ABI3BP: variants seen among roughly 807,000 people sequenced by gnomAD.
ABI3BP encodes the protein ABI family member 3 binding protein.
Under a neutral mutation model 268.6 loss-of-function variants are expected in ABI3BP, and 216 were observed. That is an observed-to-expected ratio of 0.80 (90% CI 0.72 to 0.90). The LOEUF is 0.90. Ranked by LOEUF, ABI3BP falls within the 40% of genes least tolerant of loss-of-function variation. ABI3BP has a pLI of 0.00. For missense variants in ABI3BP, 2,090 were observed against 2,182.4 expected (o/e 0.96, Z 0.84); for synonymous variants, 730 against 730.0 (o/e 1.00, Z 0.00).
At position 100,864,862 on chromosome 3, in the gene ABI3BP, C is replaced by T; in HGVS notation, c.1034G>A (p.Ser345Asn). The change falls in exon 11 of 68, where the codon AGT becomes AAT. Residue 345 changes from serine (S) to asparagine (N), a missense_variant. Coordinates refer to ENST00000471714, the MANE Select transcript of ABI3BP (RefSeq NM_001375547.2). Reference protein sequence around the residue: ...VPRSTKPTTSSALDVSETTLV... With the variant: ...VPRSTKPTTSNALDVSETTLV... ...TGTTGTTTCTGAAACATCTAATGCA[C>T]TAGACGTAGTGGGTTTAGTGCTTCT... 1.2e-6 allele frequency: 2 copies of T among 1,608,028 alleles called. No individual in the cohort carries two copies. The highest frequency in any genetic ancestry group is 3.7e-4 in the Middle Eastern group (2 of 5,460).
intron 2 of ABI3BP, among the ~76,000 whole-genome samples, chr3:100,921,165 A>G (rs552856412): frequency 6.6e-6 from 1 of 152,294 alleles, no homozygotes; most frequent in East Asian, 1.9e-4. Context: ...GAATTAAAAC[A>G]TTTGCACCCC....
intron 1 of ABI3BP, among the ~76,000 whole-genome samples, chr3:100,991,623 A>G (rs1442953623): frequency 6.6e-6 from 1 of 152,220 alleles, no homozygotes; most frequent in African/African-American, 2.4e-5. Context: ...GGTCCTCAAT[A>G]GCTTTCCAAT....
At chr3:100,987,967 TTGG>T (rs1343839663) in intron 1 of ABI3BP, among the ~76,000 whole-genome samples, 4 of 152,252 alleles carry the variant, frequency 2.6e-5, no homozygotes, top group Admixed American at 2.0e-4. Context: ...AATTTCTTGC[TTGG>T]TGGTTTTTAA....
chr3:100,813,550 A>G (rs2097916891), intron 45 of ABI3BP, 111 bp downstream of exon 45: 2 of 769,924 alleles, frequency 2.6e-6, no homozygotes, highest in Non-Finnish European at 4.1e-6. Flanking sequence ...ATTTACAGTT[A>G]TTAATGTATA....
chr3:100,776,992 T>G (rs1406461868), intron 59 of ABI3BP, among the ~76,000 whole-genome samples: 3 of 152,030 alleles, frequency 2.0e-5, no homozygotes, highest in Non-Finnish European at 4.4e-5. Flanking sequence ...CAGGTTACAG[T>G]AAATGGGGAA....
chr3:100,964,685 A>C (rs2080591983), intron 1 of ABI3BP, among the ~76,000 whole-genome samples: 2 of 152,196 alleles, frequency 1.3e-5, no homozygotes, highest in South Asian at 4.1e-4. Flanking sequence ...AGTATTTCTA[A>C]TGCATGGGTC....
intron 1 of ABI3BP, among the ~76,000 whole-genome samples, chr3:100,966,434 C>G (rs938506399): frequency 6.6e-6 from 1 of 152,174 alleles, no homozygotes; most frequent in Admixed American, 6.5e-5. Context: ...GTAAAAACAG[C>G]AGAGTTGAGT....
At chr3:100,806,449 A>T (rs1040670103) in intron 50 of ABI3BP, among the ~76,000 whole-genome samples, 4 of 152,066 alleles carry the variant, frequency 2.6e-5, no homozygotes, top group Non-Finnish European at 5.9e-5. Context: ...ATGTGTACAT[A>T]TACACACCTC....
At chr3:100,974,729 G>A (rs1418087217) in intron 1 of ABI3BP, among the ~76,000 whole-genome samples, 6 of 152,056 alleles carry the variant, frequency 3.9e-5, no homozygotes, top group Non-Finnish European at 7.4e-5. Flanking sequence ...ACTAGAGAAG[G>A]GAACTTTTAT....
chr3:100,786,673 G>A (rs775174979), intron 57 of ABI3BP, among the ~76,000 whole-genome samples: 4 of 152,128 alleles, frequency 2.6e-5, no homozygotes, highest in Non-Finnish European at 5.9e-5. Flanking sequence ...CTGAGAGAAG[G>A]TGGCTCCGTT....
At chr3:100,920,951 A>C (rs991240698) in intron 2 of ABI3BP, among the ~76,000 whole-genome samples, 7 of 152,178 alleles carry the variant, frequency 4.6e-5, no homozygotes, top group African/African-American at 1.4e-4. Flanking sequence ...TCTTTCCTAG[A>C]ACACAGATTT....
chr3:100,843,672 G>A (rs2098735785), intron 20 of ABI3BP: 1 of 984,354 alleles, frequency 1.0e-6, no homozygotes, highest in Non-Finnish European at 1.2e-6. Flanking sequence ...GTGTAAGGGA[G>A]TGCATGTATA....
At chr3:100,796,059 T>C (rs949638570) in intron 52 of ABI3BP, among the ~76,000 whole-genome samples, 2 of 152,130 alleles carry the variant, frequency 1.3e-5, no homozygotes, top group African/African-American at 4.8e-5. Flanking sequence ...ACTGTCACTT[T>C]GGGGAAAATT....
At chr3:100,843,600 G>A in intron 20 of ABI3BP, 2 of 980,260 alleles carry the variant, frequency 2.0e-6, no homozygotes, top group Non-Finnish European at 2.4e-6. Flanking sequence ...CTGGGAGATG[G>A]AGAGAGAGAG....
chr3:100,863,966 G>C, intron 12 of ABI3BP, 36 bp downstream of exon 12: 2 of 1,369,722 alleles, frequency 1.5e-6, no homozygotes, highest in South Asian at 2.5e-5. Context: ...CAATATCCAA[G>C]GTAATAATAA....
chr3:100,916,119 G>A (rs1281052534), intron 2 of ABI3BP, among the ~76,000 whole-genome samples: 1 of 152,174 alleles, frequency 6.6e-6, no homozygotes, highest in African/African-American at 2.4e-5. Flanking sequence ...GCAAGGGCTT[G>A]ATTTTGAAGC....
At chr3:100,778,248 T>A (rs1466314971) in intron 59 of ABI3BP, 36 bp downstream of exon 59, 1 of 1,599,658 alleles carries the variant, frequency 6.3e-7, no homozygotes, top group African/African-American at 1.3e-5. Flanking sequence ...AAAACCGAAA[T>A]CATGGCGGGA....
At chr3:100,864,683 G>A in intron 11 of ABI3BP, 150 bp downstream of exon 11, 2 of 620,292 alleles carry the variant, frequency 3.2e-6, no homozygotes, top group Non-Finnish European at 5.6e-6. Flanking sequence ...CCAAGAAAGA[G>A]GAAGGTTAAC....
chr3:100,945,348 A>G (rs2071608350), intron 1 of ABI3BP, among the ~76,000 whole-genome samples: 1 of 152,094 alleles, frequency 6.6e-6, no homozygotes, highest in African/African-American at 2.4e-5. Flanking sequence ...TATATCATAA[A>G]ATTCTCCCAT....
Sources: allele counts gnomAD v4.1 joint callset (sites outside exome capture counted in the v4.1 genomes callset), GRCh38; gene constraint gnomAD v4.1.1; transcripts MANE v1.5; gene names NCBI Gene and HGNC (gene_info 2026-07-23, HGNC 2026-07-21).